The following ZNG1E variants were observed in gnomAD, a reference collection of about 807,000 sequenced individuals.
ZNG1E encodes the protein zinc-regulated GTPase metalloprotein activator 1E.
At chr9:65,732,361 A>AGT in the ZNG1E span, 1 of 762,616 alleles carries the variant, frequency 1.3e-6, no homozygotes, top group South Asian at 5.8e-5. Flanking sequence ...CAGTCAGTTG[A>AGT]GTGTCTACTC....
the ZNG1E span, among the ~76,000 whole-genome samples, chr9:65,666,214 T>C: frequency 6.6e-6 from 1 of 150,774 alleles, no homozygotes; most frequent in African/African-American, 2.4e-5. Context: ...TTATCTTGGA[T>C]TCCCATGTAT....
chr9:65,708,150 C>T, the ZNG1E span: 32 of 145,756 alleles, frequency 2.2e-4, no homozygotes, highest in Admixed American at 2.2e-3. Flanking sequence ...GCATGAGCCA[C>T]CGTGCCCGGC....
the ZNG1E span, among the ~76,000 whole-genome samples, chr9:65,659,272 G>T: frequency 6.6e-6 from 1 of 151,368 alleles, no homozygotes; most frequent in Non-Finnish European, 1.5e-5. Flanking sequence ...CGAGGAGGAT[G>T]GATCACCAGG....
At chr9:65,681,361 G>A in the ZNG1E span, among the ~76,000 whole-genome samples, 2 of 152,248 alleles carry the variant, frequency 1.3e-5, no homozygotes, top group East Asian at 1.9e-4. Context: ...TTTAGGATGT[G>A]TCTTTTTTCA....
chr9:65,693,677 C>A, the ZNG1E span, among the ~76,000 whole-genome samples: 1 of 151,118 alleles, frequency 6.6e-6, no homozygotes, highest in East Asian at 1.9e-4. Context: ...CTTGTCTCAG[C>A]CTCCTGAGTA....
the ZNG1E span, among the ~76,000 whole-genome samples, chr9:65,665,210 T>C: frequency 6.6e-6 from 1 of 152,270 alleles, no homozygotes; most frequent in African/African-American, 2.4e-5. Flanking sequence ...CATGTCAGAG[T>C]TCTTCATGGC....
chr9:65,662,525 T>G, the ZNG1E span, among the ~76,000 whole-genome samples: 3 of 151,540 alleles, frequency 2.0e-5, no homozygotes, highest in African/African-American at 7.3e-5. Flanking sequence ...ACCTCTACTA[T>G]TTTTGTAGCT....
At chr9:65,693,548 G>A in the ZNG1E span, 5 of 782,924 alleles carry the variant, frequency 6.4e-6, no homozygotes, top group Non-Finnish European at 8.9e-6. Context: ...ATCTGAACAT[G>A]TTAATTTTTT....
At chr9:65,666,821 C>CT in the ZNG1E span, among the ~76,000 whole-genome samples, 56 of 124,472 alleles carry the variant, frequency 4.5e-4, no homozygotes, top group African/African-American at 1.1e-3. Flanking sequence ...TTTCTTTTTT[C>CT]TTTTTTTTTT....
At chr9:65,658,147 T>C in the ZNG1E span, among the ~76,000 whole-genome samples, 2 of 151,618 alleles carry the variant, frequency 1.3e-5, no homozygotes, top group African/African-American at 2.4e-5. Context: ...AAATACCTAT[T>C]ATGTACCAAT....
the ZNG1E span, among the ~76,000 whole-genome samples, chr9:65,681,270 T>C: frequency 7.2e-5 from 11 of 151,880 alleles, no homozygotes; most frequent in Non-Finnish European, 1.6e-4. Flanking sequence ...AAGTTTACCC[T>C]GGACAAGAAA....
the ZNG1E span, among the ~76,000 whole-genome samples, chr9:65,673,759 C>A: frequency 1.4e-5 from 2 of 145,122 alleles, no homozygotes; most frequent in East Asian, 4.0e-4. Flanking sequence ...GAGCTGTGAT[C>A]GTGCCAATGC....
the ZNG1E span, chr9:65,704,716 T>C: frequency 8.4e-6 from 1 of 119,682 alleles, no homozygotes; most frequent in Non-Finnish European, 1.2e-5. Context: ...ATGGAGACCA[T>C]CCTGGCTAAC....
the ZNG1E span, among the ~76,000 whole-genome samples, chr9:65,685,350 T>G: frequency 6.6e-6 from 1 of 152,244 alleles, no homozygotes; most frequent in Non-Finnish European, 1.5e-5. Context: ...AAAAGATGTC[T>G]CTATAGCACA....
chr9:65,685,474 G>A, the ZNG1E span, among the ~76,000 whole-genome samples: 1 of 151,908 alleles, frequency 6.6e-6, no homozygotes, highest in Non-Finnish European at 1.5e-5. Flanking sequence ...ATCCTTTGTT[G>A]TCATTTTGAC....
At chr9:65,660,862 A>C in the ZNG1E span, among the ~76,000 whole-genome samples, 1 of 144,918 alleles carries the variant, frequency 6.9e-6, no homozygotes, top group Non-Finnish European at 1.5e-5. Context: ...TATAAAATAA[A>C]AATTTATATA....
At chr9:65,671,879 T>G in the ZNG1E span, among the ~76,000 whole-genome samples, 3 of 144,298 alleles carry the variant, frequency 2.1e-5, no homozygotes, top group Non-Finnish European at 3.0e-5. Context: ...CTCTCATAAT[T>G]TTGTTTAATA....
chr9:65,675,503 C>G, the ZNG1E span, among the ~76,000 whole-genome samples: 3 of 150,278 alleles, frequency 2.0e-5, no homozygotes, highest in Non-Finnish European at 4.4e-5. Flanking sequence ...ACCTTCCATT[C>G]TTTCCCCTAT....
the ZNG1E span, among the ~76,000 whole-genome samples, chr9:65,715,063 G>A: frequency 6.7e-6 from 1 of 149,204 alleles, no homozygotes; most frequent in African/African-American, 2.6e-5. Context: ...CCGTGGGCGT[G>A]GGACTCTCCG....
Sources: allele counts gnomAD v4.1 joint callset (sites outside exome capture counted in the v4.1 genomes callset), GRCh38; gene constraint gnomAD v4.1.1; transcripts MANE v1.5; gene names NCBI Gene and HGNC (gene_info 2026-07-23, HGNC 2026-07-21).